SAMD8: variants seen among roughly 807,000 people sequenced by gnomAD.
SAMD8 encodes the protein sphingomyelin synthase-related protein 1.
SAMD8 carries 20 observed loss-of-function variants against 42.0 expected under a neutral mutation model. That is an observed-to-expected ratio of 0.48 (90% CI 0.34 to 0.69). The LOEUF is 0.69. Ranked by LOEUF, SAMD8 falls within the 30% of genes least tolerant of loss-of-function variation. SAMD8 has a pLI of 0.01. For synonymous variants in SAMD8, 162 were observed against 173.0 expected (o/e 0.94, Z 0.50); for missense variants, 328 against 511.6 (o/e 0.64, Z 3.46).
exon 1 of SAMD8, chr10:75,099,697 A>T: frequency 2.3e-6 from 1 of 431,098 alleles, no homozygotes; most frequent in Non-Finnish European, 3.6e-6. Flanking sequence ...GGTTCCATAA[A>T]CCTCCATGAA....
chr10:75,150,099 T>C (rs1223168562), intron 1 of SAMD8, among the ~76,000 whole-genome samples: 1 of 149,140 alleles, frequency 6.7e-6, no homozygotes, highest in Admixed American at 6.8e-5. Flanking sequence ...TCTCTACATA[T>C]ATATATATAT....
At chr10:75,166,249 A>G (rs758727602) in intron 3 of SAMD8, among the ~76,000 whole-genome samples, 1 of 152,100 alleles carries the variant, frequency 6.6e-6, no homozygotes, top group Non-Finnish European at 1.5e-5. Context: ...CTCCTTTCCT[A>G]GTTTAATGGG....
At chr10:75,126,214 CTT>C (rs1849128712) in intron 1 of SAMD8, among the ~76,000 whole-genome samples, 1 of 152,216 alleles carries the variant, frequency 6.6e-6, no homozygotes, top group Non-Finnish European at 1.5e-5. Flanking sequence ...TCCAAGAACT[CTT>C]TTCTGATTTT....
chr10:75,165,619 C>T (rs537674269), intron 3 of SAMD8, among the ~76,000 whole-genome samples: 83 of 148,924 alleles, frequency 5.6e-4, no homozygotes, highest in Middle Eastern at 3.5e-3. Flanking sequence ...TGCAGTGAGC[C>T]GAGATTGTGC....
intron 2 of SAMD8, among the ~76,000 whole-genome samples, chr10:75,158,823 C>T (rs773895171): frequency 3.3e-5 from 5 of 152,108 alleles, no homozygotes; most frequent in East Asian, 1.9e-4. Flanking sequence ...CATACAATAT[C>T]GGGTCTTTTT....
chr10:75,102,772 G>C (rs958719761), intron 1 of SAMD8, among the ~76,000 whole-genome samples: 1 of 152,132 alleles, frequency 6.6e-6, no homozygotes, highest in Non-Finnish European at 1.5e-5. Flanking sequence ...GACTAACATG[G>C]AGAAAACCTG....
At chr10:75,172,814 T>G (rs1328109468) in intron 4 of SAMD8, among the ~76,000 whole-genome samples, 1 of 152,008 alleles carries the variant, frequency 6.6e-6, no homozygotes, top group African/African-American at 2.4e-5. Flanking sequence ...ATTTTTTTTT[T>G]GTAGAAACAG....
rs898695429 is a variant in SAMD8 at position 75,120,549 on chromosome 10, G to A, written c.-16+8827G>A. Among the ~76,000 whole-genome samples the A allele has an allele frequency of 5.3e-5, 8 of 152,158 alleles. No individual in the cohort carries two copies. The East Asian group carries it at 5.8e-4, about 11-fold the overall frequency. On this transcript the variant is annotated intron_variant, in intron 1 of 5. Transcript: ENST00000542569. ...CTCCCAAAGTGCTGGGATTACAGGC[G>A]TGAGCCACCGCGCCCGGCCAGCGTC...
At chr10:75,105,623 C>T (rs188131147) in intron 1 of SAMD8, 126 of 1,529,848 alleles carry the variant, frequency 8.2e-5, no homozygotes, top group East Asian at 1.5e-4. Context: ...TGGCCTCTTC[C>T]GGCCAACCAC....
At chr10:75,111,118 A>G (rs1848756501), upstream of SAMD8, among the ~76,000 whole-genome samples, 1 of 152,214 alleles carries the variant, frequency 6.6e-6, no homozygotes. Context: ...CGGCCTTAGC[A>G]CAAGGATTAA....
At chr10:75,110,357 G>C (rs567137369), upstream of SAMD8, among the ~76,000 whole-genome samples, 1 of 152,258 alleles carries the variant, frequency 6.6e-6, no homozygotes, top group South Asian at 2.1e-4. Context: ...GCCAGAGCTG[G>C]TTATCAGCAA....
intron 1 of SAMD8, chr10:75,125,532 C>T (rs1009316305): frequency 7.9e-5 from 12 of 152,218 alleles, no homozygotes; most frequent in African/African-American, 2.4e-4. Flanking sequence ...GGAAGGATCA[C>T]TTGAGCTCAG....
At position 75,179,937 on chromosome 10, in the gene SAMD8, G is replaced by C. The variant is rs192366978; in HGVS notation, c.*3245G>C. On this transcript the variant is annotated 3_prime_UTR_variant, in exon 6 of 6. Transcript: ENST00000542569. Reference sequence around the variant, plus strand: ...AAGGAACCAAAAGGTTTTTGGTTTGGGGATGCAAACTGGAGGTTATGTTAC... The same window carrying C: ...AAGGAACCAAAAGGTTTTTGGTTTGCGGATGCAAACTGGAGGTTATGTTAC... 3.3e-5 allele frequency: 5 copies of C among 152,168 alleles called. No homozygotes were observed. Among genetic ancestry groups the C allele is most frequent in the Admixed American group, 6.5e-5 (1 of 15,274 alleles). The allele number at this position is 152,168 out of a possible 1,614,324, so 9.4% of individuals were successfully genotyped here.
At chr10:75,110,536 C>T (rs1417257589), upstream of SAMD8, among the ~76,000 whole-genome samples, 1 of 152,218 alleles carries the variant, frequency 6.6e-6, no homozygotes, top group Non-Finnish European at 1.5e-5. Context: ...ACACTCATGT[C>T]TATCCCATTC....
At chr10:75,169,840 C>T (rs775035011) in intron 4 of SAMD8, among the ~76,000 whole-genome samples, 9 of 152,086 alleles carry the variant, frequency 5.9e-5, no homozygotes, top group Non-Finnish European at 1.2e-4. Flanking sequence ...ACCCAGGAGG[C>T]GGAGGTTGCA....
chr10:75,167,758 C>T (rs967687265), intron 3 of SAMD8, among the ~76,000 whole-genome samples: 22 of 151,372 alleles, frequency 1.5e-4, no homozygotes, highest in African/African-American at 2.4e-5. Context: ...ACATCCAGCT[C>T]ATTTTTAAAT....
rs756534961 is a variant in SAMD8, at chr10:75,176,757, G to A, written c.*65G>A. Reference sequence around the variant, plus strand: ...AGTTGTTGAAAATGAGTAACTTTGCGTTCTCCCCCTAGGTTGTTCTTAGAT... The same window carrying A: ...AGTTGTTGAAAATGAGTAACTTTGCATTCTCCCCCTAGGTTGTTCTTAGAT... On this transcript the variant is annotated 3_prime_UTR_variant, in exon 6 of 6. Transcript: ENST00000542569. The surrounding 1 kb of genome is among the most constrained non-coding windows in gnomAD (Gnocchi z 4.3). The A allele has an allele frequency of 6.6e-5, 83 of 1,253,064 alleles. No individual in the cohort carries two copies. Among genetic ancestry groups the A allele is most frequent in the Middle Eastern group, 2.5e-4 (1 of 3,996 alleles). The allele number at this position is 1,253,064 out of a possible 1,614,324, so 77.6% of individuals were successfully genotyped here. A position where few individuals can be genotyped will look rare whatever the true frequency, so the allele number is the denominator to read the frequency against.
At chr10:75,136,557 A>G (rs1830566729) in intron 1 of SAMD8, among the ~76,000 whole-genome samples, 1 of 152,158 alleles carries the variant, frequency 6.6e-6, no homozygotes, top group Non-Finnish European at 1.5e-5. Context: ...AGCCTTTGGT[A>G]ATCAGTCAGG....
intron 2 of SAMD8, among the ~76,000 whole-genome samples, chr10:75,163,582 G>A (rs999632640): frequency 2.6e-5 from 4 of 151,966 alleles, no homozygotes; most frequent in Non-Finnish European, 5.9e-5. Flanking sequence ...TTACAGGCGC[G>A]CAGCACCGCA....
Sources: gnomAD v4.1 joint callset for allele counts (sites outside exome capture counted in the v4.1 genomes callset) on GRCh38, gnomAD v4.1.1 for gene constraint, Gnocchi (gnomAD v3.1) non-coding constraint, MANE v1.5 for transcripts, NCBI Gene and HGNC (gene_info 2026-07-23, HGNC 2026-07-21) for gene names.